LRP1B: variants seen among roughly 807,000 people sequenced by gnomAD.
LRP1B encodes low-density lipoprotein receptor-related protein 1B.
Under a neutral mutation model 556.6 loss-of-function variants are expected in LRP1B, and 217 were observed. That is an observed-to-expected ratio of 0.39 (90% CI 0.35 to 0.44). LRP1B has a LOEUF of 0.44. Ranked by LOEUF, LRP1B falls within the 20% of genes least tolerant of loss-of-function variation. LRP1B has a pLI of 1.00. For missense variants in LRP1B, 5,053 were observed against 5,620.8 expected (o/e 0.90, Z 3.23); for synonymous variants, 2,047 against 1,865.8 (o/e 1.10, Z -2.50).
At chr2:141,127,460 T>C (rs1701243931) in intron 7 of LRP1B, among the ~76,000 whole-genome samples, 1 of 152,118 alleles carries the variant, frequency 6.6e-6, no homozygotes, top group Non-Finnish European at 1.5e-5. Flanking sequence ...TGCAGCACTA[T>C]TCACAATAGT....
intron 7 of LRP1B, among the ~76,000 whole-genome samples, chr2:141,159,450 G>A (rs1023411115): frequency 2.6e-5 from 4 of 151,934 alleles, no homozygotes; most frequent in Admixed American, 1.3e-4. Context: ...CAGGCTGGAC[G>A]TGAAGCCCTG....
intron 7 of LRP1B, among the ~76,000 whole-genome samples, chr2:141,072,801 A>C (rs1339347612): frequency 1.3e-5 from 2 of 152,088 alleles, no homozygotes. Context: ...GAGCATACAG[A>C]AAGGCAAATC....
At chr2:141,525,905 T>A (rs997873649) in intron 2 of LRP1B, among the ~76,000 whole-genome samples, 1 of 152,072 alleles carries the variant, frequency 6.6e-6, no homozygotes, top group Admixed American at 6.6e-5. Flanking sequence ...AAATTCAAAT[T>A]TAGCTGGGTG....
At chr2:141,086,958 T>C (rs1213564235) in intron 7 of LRP1B, among the ~76,000 whole-genome samples, 1 of 152,130 alleles carries the variant, frequency 6.6e-6, no homozygotes, top group Non-Finnish European at 1.5e-5. Context: ...AGGAACATAT[T>C]GGTGGTTGTT....
intron 77 of LRP1B, among the ~76,000 whole-genome samples, chr2:140,340,897 C>T (rs1263970669): frequency 6.6e-6 from 1 of 151,498 alleles, no homozygotes; most frequent in African/African-American, 2.4e-5. Context: ...TTTCAATCAT[C>T]TTACCTACAT....
Position 140,534,246 on chromosome 2 carries a change from T to C in LRP1B, c.7643-106A>G, listed in dbSNP as rs753848390. On this transcript the variant is annotated intron_variant, in intron 46 of 90. Coordinates refer to ENST00000389484, the MANE Select transcript of LRP1B (RefSeq NM_018557.3). ...ATTCATAATGACTGGATTATGGATC[T>C]ATAAAACAAGTGCTGTGCCATATAA... 8.2e-5 allele frequency: 88 copies of C among 1,076,002 alleles called. No homozygotes were observed. The Middle Eastern group carries it at 1.7e-3, about 21-fold the overall frequency. 66.7% of individuals were successfully genotyped at this position (1,076,002 alleles called of 1,614,324 possible).
chr2:141,654,538 T>G (rs1047597576), intron 2 of LRP1B, among the ~76,000 whole-genome samples: 3 of 152,106 alleles, frequency 2.0e-5, no homozygotes, highest in Non-Finnish European at 4.4e-5. Context: ...TCTCTCCATC[T>G]GTCACATGTG....
Position 141,062,107 on chromosome 2 carries a change from C to T in LRP1B, c.1180G>A (p.Val394Met), listed in dbSNP as rs1416995864. The T allele has an allele frequency of 1.2e-6, 2 of 1,612,022 alleles. No homozygotes were observed. The highest frequency in any genetic ancestry group is 1.7e-5 in the Admixed American group (1 of 59,834). ...VYWVDLYLDYVGVVDYQGKNR... is the reference protein window; with the variant it reads ...VYWVDLYLDYMGVVDYQGKNR... ...TTTCCTTGATAGTCCACTACTCCCACATAGTCCAAGTAAAGATCTACCCAG... is the reference window on the plus strand; with the variant it reads ...TTTCCTTGATAGTCCACTACTCCCATATAGTCCAAGTAAAGATCTACCCAG... The change falls in exon 8 of 91, where the codon GTG becomes ATG. Residue 394 changes from valine to methionine, a missense_variant. Around this residue, in one of 5 missense-constraint regions of LRP1B, gnomAD observed 3,619 missense variants for 3,931.9 expected, o/e 0.92. Transcript: ENST00000389484.
At chr2:141,502,022 A>ATGTAACAACAGATG (rs1048128725) in intron 2 of LRP1B, among the ~76,000 whole-genome samples, 1 of 152,170 alleles carries the variant, frequency 6.6e-6, no homozygotes, top group Non-Finnish European at 1.5e-5. Flanking sequence ...TGAGCATAAA[A>ATGTAACAACAGATG]TGTAACAACA....
chr2:140,572,179 A>G (rs1314468456), intron 43 of LRP1B, among the ~76,000 whole-genome samples: 3 of 151,844 alleles, frequency 2.0e-5, no homozygotes, highest in African/African-American at 4.8e-5. Context: ...CTGCACAGCA[A>G]AGAAAACAAT....
intron 5 of LRP1B, among the ~76,000 whole-genome samples, chr2:141,235,759 C>T (rs7560252): frequency 0.59 from 90,171 of 151,856 alleles, 27,127 homozygotes; most frequent in Admixed American, 0.66. Flanking sequence ...TTTATTAGTT[C>T]ACTGTATATG....
chr2:141,119,420 A>T (rs946296657), intron 7 of LRP1B, among the ~76,000 whole-genome samples: 7 of 151,884 alleles, frequency 4.6e-5, no homozygotes, highest in African/African-American at 1.7e-4. Context: ...AAAAGTTTTC[A>T]ATTAAAAATG....
chr2:141,052,492 G>A (rs1231403111), intron 10 of LRP1B, among the ~76,000 whole-genome samples: 1 of 151,888 alleles, frequency 6.6e-6, no homozygotes, highest in Non-Finnish European at 1.5e-5. Flanking sequence ...CTTACCTATT[G>A]TTGGATAGCT....
chr2:141,314,449 G>T (rs1398136198), intron 3 of LRP1B, among the ~76,000 whole-genome samples: 1 of 152,076 alleles, frequency 6.6e-6, no homozygotes, highest in Non-Finnish European at 1.5e-5. Context: ...GAAAATTGAA[G>T]ATTTGGTTTT....
intron 21 of LRP1B, among the ~76,000 whole-genome samples, chr2:140,920,046 AT>A (rs1217708604): frequency 1.3e-5 from 2 of 152,058 alleles, no homozygotes; most frequent in Admixed American, 6.6e-5. Flanking sequence ...GAAGGATTAA[AT>A]TTACATTCCT....
intron 1 of LRP1B, among the ~76,000 whole-genome samples, chr2:141,895,688 TACAA>T (rs1159809915): frequency 6.6e-6 from 1 of 152,192 alleles, no homozygotes; most frequent in Admixed American, 6.6e-5. Context: ...TATTTCTCTT[TACAA>T]ACAATGATTT....
At chr2:140,255,670 C>T (rs1188502340) in intron 86 of LRP1B, among the ~76,000 whole-genome samples, 1 of 152,102 alleles carries the variant, frequency 6.6e-6, no homozygotes, top group Admixed American at 6.6e-5. Flanking sequence ...TAGATGAATG[C>T]ATGAAAACAT....
At chr2:141,004,181 T>C (rs971191326) in intron 15 of LRP1B, among the ~76,000 whole-genome samples, 3 of 152,076 alleles carry the variant, frequency 2.0e-5, no homozygotes, top group African/African-American at 7.2e-5. Flanking sequence ...TTTGTGATGG[T>C]TAATTTTATA....
intron 83 of LRP1B, among the ~76,000 whole-genome samples, chr2:140,314,342 G>A (rs1684428506): frequency 6.6e-6 from 1 of 151,902 alleles, no homozygotes; most frequent in Admixed American, 6.6e-5. Context: ...ATGTTTCTAT[G>A]TTCATTTATG....
Sources: gnomAD v4.1 joint callset for allele counts (sites outside exome capture counted in the v4.1 genomes callset) on GRCh38, gnomAD v4.1.1 for gene constraint, gnomAD v4.1.1 regional missense constraint, MANE v1.5 for transcripts, NCBI Gene and HGNC (gene_info 2026-07-23, HGNC 2026-07-21) for gene names.